Variants in GPR4 observed in about 807,000 individuals in gnomAD.
The protein encoded by GPR4 is G protein-coupled receptor 4, also known as G-prodeshotein coupled receptor 4.
Under a neutral mutation model 17.8 loss-of-function variants are expected in GPR4, and 11 were observed. The observed-to-expected ratio is 0.62, with a 90% confidence interval of 0.39 to 1.02. The LOEUF is 1.02. GPR4 is among the 50% of genes least tolerant of loss of function. The probability of loss-of-function intolerance (pLI) is 0.00; values close to 1 mark genes in which losing one functional copy is unlikely to be tolerated. For missense variants in GPR4, 364 were observed against 495.4 expected, an observed-to-expected ratio of 0.73 and a Z score of 2.52; for synonymous variants, 219 against 222.8, an observed-to-expected ratio of 0.98 and a Z score of 0.15.
chr19:45,596,986 C>T (rs1970064625), intron 1 of GPR4, among the ~76,000 whole-genome samples: 1 of 152,244 alleles, frequency 6.6e-6, no homozygotes, highest in African/African-American at 2.4e-5. Flanking sequence ...CCTCTCCTTC[C>T]TGCCTCAGCA....
chr19:45,591,666 G>A lies in GPR4; in HGVS notation c.201C>T (p.Ile67=), dbSNP rs773479744. The change falls in exon 2 of 2, where the codon ATC becomes ATT. Residue 67 remains isoleucine, a synonymous_variant. Coordinates refer to ENST00000323040, the MANE Select transcript of GPR4 (RefSeq NM_005282.3). The surrounding 1 kb of genome is among the most constrained non-coding windows in gnomAD (Gnocchi z 7.6). ...AGTCCACCCACAGCGGCAGCGTGCA[G>A]ATGTACAGCAGGTCGGCGATGCTGA... is the stretch of plus-strand genomic sequence containing the variant. The part of the protein sequence containing the change: ...MNLSIADLLY[I]CTLPLWVDYF... 1 of 1,614,054 alleles carries A rather than the reference G, an allele frequency of 6.2e-7. No individual in the cohort carries two copies. The highest frequency in any genetic ancestry group is 8.5e-7 in the Non-Finnish European group (1 of 1,179,920).
At chr19:45,594,094 A>ATATATTTTATATAT (rs1970032285) in intron 1 of GPR4, among the ~76,000 whole-genome samples, 1 of 112,958 alleles carries the variant, frequency 8.9e-6, no homozygotes, top group Non-Finnish European at 1.6e-5. Flanking sequence ...ATATATATAT[A>ATATATTTTATATAT]AAATAGATGC....
chr19:45,594,069 T>TAG (rs1970030185), intron 1 of GPR4, among the ~76,000 whole-genome samples: 1 of 71,124 alleles, frequency 1.4e-5, no homozygotes, highest in Non-Finnish European at 2.3e-5. Context: ...AAAAAATATA[T>TAG]ATATATATAT....
intron 1 of GPR4, among the ~76,000 whole-genome samples, chr19:45,592,971 C>T (rs1568416850): frequency 6.6e-6 from 1 of 151,904 alleles, no homozygotes; most frequent in Non-Finnish European, 1.5e-5. Context: ...GTGGGAGGTT[C>T]GCTTGAGCCT....
At position 45,591,216 on chromosome 19, in the gene GPR4, C is replaced by T. The variant is rs143424799; in HGVS notation, c.651G>A (p.Gln217=). 14 of 1,613,408 alleles carry T rather than the reference C, an allele frequency of 8.7e-6. No homozygotes were observed. The African/African-American group carries it at 1.9e-4, about 22-fold the overall frequency. ...AVRGSVSTER[Q]EKAKIKRLAL... is the part of the protein sequence containing the mutation. ...CCAGCCGCTTGATCTTGGCCTTCTC[C>T]TGGCGCTCGGTGGACACGCTGCCCC... Residue 217 remains glutamine, a synonymous_variant, in exon 2 of 2, where the codon CAG becomes CAA. Coordinates refer to ENST00000323040, the MANE Select transcript of GPR4 (RefSeq NM_005282.3). This position sits in a 1 kb window ranked among gnomAD's most constrained non-coding sequence, Gnocchi z 7.6.
chr19:45,598,107 G>T (rs1451330366), intron 1 of GPR4, among the ~76,000 whole-genome samples: 2 of 151,776 alleles, frequency 1.3e-5, no homozygotes, highest in Non-Finnish European at 2.9e-5. Flanking sequence ...TCTGCCCCTA[G>T]TCTCTCCCTT....
chr19:45,601,455 G>C (rs1158244812), intron 1 of GPR4, among the ~76,000 whole-genome samples: 1 of 152,084 alleles, frequency 6.6e-6, no homozygotes, highest in Non-Finnish European at 1.5e-5. Flanking sequence ...CTCCGTGAAG[G>C]GGGCGCTGGG....
intron 1 of GPR4, among the ~76,000 whole-genome samples, chr19:45,598,544 G>A (rs923738926): frequency 2.6e-5 from 4 of 152,034 alleles, no homozygotes; most frequent in Admixed American, 6.5e-5. Flanking sequence ...GGCATCTTGC[G>A]GATGCTGGAC....
At chr19:45,594,058 AAAAAAATATATATATAT>A (rs1568417114) in intron 1 of GPR4, among the ~76,000 whole-genome samples, 4 of 57,984 alleles carry the variant, frequency 6.9e-5, no homozygotes, top group South Asian at 1.4e-3. Context: ...AAAAAAAAAA[AAAAAAATATATATATAT>A]ATATATATAT....
In GPR4 at chr19:45,590,365, C is replaced by T. The variant is rs954817142; in HGVS notation, c.*413G>A. On this transcript the variant is annotated 3_prime_UTR_variant, in exon 2 of 2. Transcript: ENST00000323040. ...TCAGCCTGGGAAACATAGTGAGACT[C>T]CATTTCTACAAAAAGTACAAAAATT... 6.1e-6 allele frequency: 1 copy of T among 164,164 alleles called. No homozygotes were observed. The highest frequency in any genetic ancestry group is 6.3e-5 in the Admixed American group (1 of 15,990). 10.2% of individuals were successfully genotyped at this position (164,164 alleles called of 1,614,324 possible).
chr19:45,591,931 G>A lies in GPR4; in HGVS notation c.-65C>T, dbSNP rs1453705353. On this transcript the variant is annotated 5_prime_UTR_variant, in exon 2 of 2. Transcript: ENST00000323040. This position sits in a 1 kb window ranked among gnomAD's most constrained non-coding sequence, Gnocchi z 7.6. ...CGGGGGCTGTGGGGCCACAGGGAGC[G>A]GGAGGCCATGGGGCCCCCTGAGCCC... 9.3e-6 allele frequency: 14 copies of A among 1,504,044 alleles called. No homozygotes were observed. The highest frequency in any genetic ancestry group is 1.2e-5 in the Non-Finnish European group (14 of 1,126,954). 93.2% of individuals were successfully genotyped at this position (1,504,044 alleles called of 1,614,324 possible). A position where few individuals can be genotyped will look rare whatever the true frequency, so the allele number is the denominator to read the frequency against.
In GPR4 at chr19:45,596,495, G is replaced by A. The variant is rs148323087; in HGVS notation, c.-831-3798C>T. 8.6e-3 allele frequency among the ~76,000 whole-genome samples: 1,259 copies of A among 146,762 alleles called. 9 individuals are homozygous for A. Among genetic ancestry groups the A allele is most frequent in the African/African-American group, 0.013 (508 of 39,710 alleles). ...GCTGGGATTACAGGCGTGAGCCACCGCGCCCGGGCAAGATCTTTCTATCAT... is the reference window on the plus strand; with the variant it reads ...GCTGGGATTACAGGCGTGAGCCACCACGCCCGGGCAAGATCTTTCTATCAT... On this transcript the variant is annotated intron_variant, in intron 1 of 1. Coordinates refer to ENST00000323040, the MANE Select transcript of GPR4 (RefSeq NM_005282.3).
chr19:45,590,808 C>A lies in GPR4; in HGVS notation c.1059G>T (p.Val353=). 1 of 1,587,796 alleles carries A rather than the reference C, an allele frequency of 6.3e-7. No homozygotes were observed. Among genetic ancestry groups the A allele is most frequent in the South Asian group, 1.1e-5 (1 of 87,324 alleles). The change falls in exon 2 of 2, where the codon GTG becomes GTT. Residue 353 remains valine (V), a synonymous_variant. Coordinates refer to ENST00000323040, the MANE Select transcript of GPR4 (RefSeq NM_005282.3). ...GTGCTGGCGGCAGCATCTTCAGCTG[C>A]ACCTGGTCCCCCTGGGAGGGCGGAG... ...AATPPSQGDQ[V]QLKMLPPAQ is the part of the protein sequence containing the mutation.
At chr19:45,594,059 A>AT (rs1278298467) in intron 1 of GPR4, among the ~76,000 whole-genome samples, 709 of 41,982 alleles carry the variant, frequency 0.017, 1 homozygote, top group Non-Finnish European at 0.02. Flanking sequence ...AAAAAAAAAA[A>AT]AAAAATATAT....
rs1555738346 is a variant in GPR4, at chr19:45,594,078, A to ATATATATATATATTTTTTATATATATTT, written c.-831-1382_-831-1381insAAATATATATAAAAAATATATATATATA. ...AAAAAAAAAAAATATATATATATAT[A>ATATATATATATATTTTTTATATATATTT]TATATATATATATATAAAATAGATG... On this transcript the variant is annotated intron_variant, in intron 1 of 1. Transcript: ENST00000323040. Among the ~76,000 whole-genome samples the ATATATATATATATTTTTTATATATATTT allele has an allele frequency of 5.2e-3, 385 of 74,494 alleles. 12 individuals carry two copies. Among genetic ancestry groups the ATATATATATATATTTTTTATATATATTT allele is most frequent in the African/African-American group, 0.028 (345 of 12,170 alleles). 48.9% of individuals were successfully genotyped at this position (74,494 alleles called of 152,430 possible).
chr19:45,599,053 C>T (rs1040089739), intron 1 of GPR4, among the ~76,000 whole-genome samples: 1 of 152,156 alleles, frequency 6.6e-6, no homozygotes, highest in Non-Finnish European at 1.5e-5. Flanking sequence ...GGGGGTAAAC[C>T]CCCAAATCTC....
At chr19:45,601,408 G>A (rs533184667) in intron 1 of GPR4, among the ~76,000 whole-genome samples, 156 of 152,200 alleles carry the variant, frequency 1.0e-3, no homozygotes, top group African/African-American at 3.7e-3. Flanking sequence ...TGAAATTGGC[G>A]GGCGGGCTGG....
rs749605411 is a variant in GPR4, at chr19:45,590,813, G to C, written c.1054C>G (p.Gln352Glu). The C allele has an allele frequency of 1.9e-6, 3 of 1,591,576 alleles. No individual in the cohort carries two copies. Among genetic ancestry groups the C allele is most frequent in the Non-Finnish European group, 2.6e-6 (3 of 1,167,836 alleles). ...WAATPPSQGDQVQLKMLPPAQ is the reference protein window; with the variant it reads ...WAATPPSQGDEVQLKMLPPAQ The stretch of plus-strand genomic sequence containing the variant: ...GGCGGCAGCATCTTCAGCTGCACCT[G>C]GTCCCCCTGGGAGGGCGGAGTGGCC... The change falls in exon 2 of 2, where the codon CAG (glutamine) becomes GAG (glutamate). Residue 352 changes from glutamine to glutamate, a missense_variant. Physicochemically the swap from Gln to Glu is conservative, Grantham distance 29 (BLOSUM62 2). Transcript: ENST00000323040.
rs1037705110 is a variant in GPR4, at chr19:45,591,489, G to T, written c.378C>A (p.Ala126=). 1 of 1,610,986 alleles carries T rather than the reference G, an allele frequency of 6.2e-7. No individual in the cohort carries two copies. The highest frequency in any genetic ancestry group is 8.5e-7 in the Non-Finnish European group (1 of 1,178,610). The change falls in exon 2 of 2, where the codon GCC becomes GCA. Residue 126 remains alanine, a synonymous_variant. Transcript: ENST00000323040. This position sits in a 1 kb window ranked among gnomAD's most constrained non-coding sequence, Gnocchi z 7.6. ...CGGCGGTCTTGACGCGGCGCAGGCG[G>T]GCGAAGCGGAGTGGGTGGGCCACAG... ...YLAVAHPLRF[A]RLRRVKTAVA...
Sources: gnomAD v4.1 joint callset for allele counts (sites outside exome capture counted in the v4.1 genomes callset) on GRCh38, gnomAD v4.1.1 for gene constraint, Gnocchi (gnomAD v3.1) non-coding constraint, MANE v1.5 for transcripts, NCBI Gene and HGNC (gene_info 2026-07-23, HGNC 2026-07-21) for gene names.